The following RAB3B variants were observed in gnomAD, a reference collection of about 807,000 sequenced individuals.
The protein encoded by RAB3B is ras-related protein Rab-3B.
A neutral mutation model predicts 20.5 loss-of-function variants in RAB3B; 11 were observed. That is an observed-to-expected ratio of 0.54 (90% confidence interval 0.34 to 0.89). The LOEUF is 0.89. Among genes scored for constraint, RAB3B ranks in the 40% least tolerant of loss-of-function variants. RAB3B has a pLI of 0.02. For synonymous variants in RAB3B, 99 were observed against 106.3 expected, an observed-to-expected ratio of 0.93 and a Z score of 0.42; for missense variants, 225 against 280.9, an observed-to-expected ratio of 0.80 and a Z score of 1.42.
intron 1 of RAB3B, among the ~76,000 whole-genome samples, chr1:51,986,924 T>G (rs1052132308): frequency 6.6e-6 from 1 of 152,224 alleles, no homozygotes. Context: ...TGCACAGTGG[T>G]GCATGCAGAA....
At position 51,967,521 on chromosome 1, in the gene RAB3B, C is replaced by CTTT. The variant is rs71041868; in HGVS notation, c.228+9366_228+9368dup. On this transcript the variant is annotated intron_variant, in intron 2 of 4. Coordinates refer to ENST00000371655, the MANE Select transcript of RAB3B (RefSeq NM_002867.4). ...TTCCTTTTTCTTTTCTTTTCTTTTT[C>CTTT]TTTTTTTTTTTTTTTTTTGAGATAG... Among the ~76,000 whole-genome samples, 54 of 36,436 alleles carry CTTT rather than the reference C, an allele frequency of 1.5e-3. 9 individuals carry two copies. The South Asian group carries it at 0.018, about 12-fold the overall frequency. The allele number at this position is 36,436 out of a possible 152,430, so 23.9% of individuals were successfully genotyped here.
chr1:51,936,283 C>T (rs561973165), intron 3 of RAB3B, among the ~76,000 whole-genome samples: 13 of 152,292 alleles, frequency 8.5e-5, no homozygotes, highest in African/African-American at 1.4e-4. Flanking sequence ...TCCTGGGAAT[C>T]GTGCCCCAGG....
rs1571953622 is a variant in RAB3B, at chr1:51,917,363, A to G, written c.*2564T>C. On this transcript the variant is annotated 3_prime_UTR_variant, in exon 5 of 5. Coordinates refer to ENST00000371655, the MANE Select transcript of RAB3B (RefSeq NM_002867.4). ...AGTGCCAAAAGAGACCTTAAAGATC[A>G]TCCAAATAAGCTCCCTCATTTTATA... 1 of 152,182 alleles carries G rather than the reference A, an allele frequency of 6.6e-6. No individual in the cohort carries two copies. The highest frequency in any genetic ancestry group is 1.5e-5 in the Non-Finnish European group (1 of 68,022). 9.4% of individuals were successfully genotyped at this position (152,182 alleles called of 1,614,324 possible). A position where few individuals can be genotyped will look rare whatever the true frequency, so the allele number is the denominator to read the frequency against.
At chr1:51,927,466 T>C (rs923573692) in intron 4 of RAB3B, among the ~76,000 whole-genome samples, 3 of 152,184 alleles carry the variant, frequency 2.0e-5, no homozygotes, top group African/African-American at 7.2e-5. Context: ...ACTATGCTGG[T>C]ATGTGTGTGT....
chr1:51,979,268 C>CTTTT (rs112504777), intron 1 of RAB3B, among the ~76,000 whole-genome samples: 1 of 136,642 alleles, frequency 7.3e-6, no homozygotes, highest in East Asian at 2.1e-4. Context: ...AGGCATTATG[C>CTTTT]TTTTTTTTTT....
chr1:51,937,712 G>T (rs980935156), intron 2 of RAB3B, among the ~76,000 whole-genome samples: 1 of 151,994 alleles, frequency 6.6e-6, no homozygotes, highest in Non-Finnish European at 1.5e-5. Flanking sequence ...GGTCAGGCAG[G>T]TCTCGAACTC....
intron 1 of RAB3B, among the ~76,000 whole-genome samples, chr1:51,988,153 T>C (rs1685174874): frequency 2.0e-5 from 3 of 152,194 alleles, no homozygotes; most frequent in Admixed American, 2.0e-4. Context: ...ATATGCAATA[T>C]AGCAGGGGCT....
intron 2 of RAB3B, among the ~76,000 whole-genome samples, chr1:51,949,361 C>T (rs990458459): frequency 3.9e-5 from 6 of 152,192 alleles, no homozygotes; most frequent in African/African-American, 7.2e-5. Flanking sequence ...GCCATTACAC[C>T]GGCACAGGAT....
chr1:51,958,451 C>T (rs79331344), intron 2 of RAB3B, among the ~76,000 whole-genome samples: 202 of 152,210 alleles, frequency 1.3e-3, no homozygotes, highest in Admixed American at 3.3e-3. Context: ...CGGCCGGGCG[C>T]GGTGGCTCAT....
chr1:51,986,147 T>A (rs1379951471), intron 1 of RAB3B, among the ~76,000 whole-genome samples: 2 of 414 alleles, frequency 4.8e-3, no homozygotes, highest in Non-Finnish European at 0.034. Context: ...TTTCTACGAA[T>A]TTTTTTTTTT....
chr1:51,914,276 T>A lies in RAB3B; in HGVS notation c.*5651A>T, dbSNP rs746002959. 6 of 152,214 alleles carry A rather than the reference T, an allele frequency of 3.9e-5. No homozygotes were observed. Among genetic ancestry groups the A allele is most frequent in the Non-Finnish European group, 7.3e-5 (5 of 68,050 alleles). The allele number at this position is 152,214 out of a possible 1,614,324, so 9.4% of individuals were successfully genotyped here. On this transcript the variant is annotated 3_prime_UTR_variant, in exon 5 of 5. Transcript: ENST00000371655. ...AAGGTTAGTACTAAAAGGTGAAAGCTTAGTTGAGGAATGTAAAGCAATGGC... is the reference window on the plus strand; with the variant it reads ...AAGGTTAGTACTAAAAGGTGAAAGCATAGTTGAGGAATGTAAAGCAATGGC...
At chr1:51,960,147 G>C (rs1202625244) in intron 2 of RAB3B, among the ~76,000 whole-genome samples, 1 of 152,258 alleles carries the variant, frequency 6.6e-6, no homozygotes, top group African/African-American at 2.4e-5. Context: ...TCTAAGGTAG[G>C]AAAGGGCAAA....
chr1:51,927,725 T>C (rs1684263158), intron 4 of RAB3B, among the ~76,000 whole-genome samples: 1 of 152,078 alleles, frequency 6.6e-6, no homozygotes, highest in African/African-American at 2.4e-5. Flanking sequence ...ATTGCTTGAG[T>C]CCCGTAGGTG....
Position 51,920,160 on chromosome 1 carries a change from G to T in RAB3B, c.473-46C>A, listed in dbSNP as rs367746877. 1,142 of 1,533,832 alleles carry T rather than the reference G, an allele frequency of 7.4e-4. 1 individual carries two copies. The highest frequency in any genetic ancestry group is 9.6e-4 in the Non-Finnish European group (1,085 of 1,127,340). On this transcript the variant is annotated intron_variant, in intron 4 of 4. Transcript: ENST00000371655. Reference sequence around the variant, plus strand: ...GATAAGGACTTTTCCCATCCCTTCTGCTGGAACCCTTCTGTGCCCTCAGCC... The same window carrying T: ...GATAAGGACTTTTCCCATCCCTTCTTCTGGAACCCTTCTGTGCCCTCAGCC...
intron 2 of RAB3B, among the ~76,000 whole-genome samples, chr1:51,939,755 T>C (rs1269744661): frequency 1.3e-5 from 2 of 152,144 alleles, no homozygotes; most frequent in African/African-American, 4.8e-5. Flanking sequence ...TTTTTACTTT[T>C]GTAGAGACAA....
At chr1:51,957,893 T>C (rs906068446) in intron 2 of RAB3B, among the ~76,000 whole-genome samples, 2 of 152,158 alleles carry the variant, frequency 1.3e-5, no homozygotes, top group African/African-American at 2.4e-5. Flanking sequence ...GCTCAATCAG[T>C]TGACACGGCA....
intron 4 of RAB3B, among the ~76,000 whole-genome samples, chr1:51,925,130 G>A (rs1414251055): frequency 6.6e-6 from 1 of 152,148 alleles, no homozygotes; most frequent in Non-Finnish European, 1.5e-5. Context: ...CTTGCAACCA[G>A]CTAAACTCAC....
chr1:51,986,027 C>T (rs1685146309), intron 1 of RAB3B, among the ~76,000 whole-genome samples: 1 of 152,036 alleles, frequency 6.6e-6, no homozygotes, highest in African/African-American at 2.4e-5. Flanking sequence ...AGCATCCTGG[C>T]TGGGCATGGT....
intron 2 of RAB3B, among the ~76,000 whole-genome samples, chr1:51,948,355 G>A (rs886680781): frequency 1.3e-5 from 2 of 152,200 alleles, no homozygotes; most frequent in African/African-American, 4.8e-5. Context: ...AAGAGTGAAG[G>A]GAACTTGAAA....
Sources: gnomAD v4.1 joint callset for allele counts (sites outside exome capture counted in the v4.1 genomes callset) on GRCh38, gnomAD v4.1.1 for gene constraint, MANE v1.5 for transcripts, NCBI Gene and HGNC (gene_info 2026-07-23, HGNC 2026-07-21) for gene names.